PEBP4: variants seen among roughly 807,000 people sequenced by gnomAD.
PEBP4 encodes the protein phosphatidylethanolamine-binding protein 4.
In PEBP4, 22 loss-of-function variants were observed where a neutral mutation model predicts 23.9. That is an observed-to-expected ratio of 0.92 (90% CI 0.66 to 1.31). The LOEUF (loss-of-function observed/expected upper bound fraction) is 1.31, where lower values mean the gene tolerates loss of function less well. Ranked by LOEUF, PEBP4 falls within the 40% of genes most tolerant of loss-of-function variation. The pLI, the probability that PEBP4 is intolerant of heterozygous loss-of-function variation, is 0.00. For synonymous variants in PEBP4, 112 were observed against 99.3 expected, an observed-to-expected ratio of 1.13 and a Z score of -0.76; for missense variants, 324 against 281.7, an observed-to-expected ratio of 1.15 and a Z score of -1.07.
chr8:22,922,639 T>G (rs1170277790), intron 2 of PEBP4, among the ~76,000 whole-genome samples: 1 of 150,992 alleles, frequency 6.6e-6, no homozygotes, highest in African/African-American at 2.4e-5. Flanking sequence ...CTTGGGAGGA[T>G]CACTTGAGCC....
chr8:22,895,365 CA>C (rs1355798953), intron 3 of PEBP4: 1 of 152,200 alleles, frequency 6.6e-6, no homozygotes, highest in Non-Finnish European at 1.5e-5. Context: ...GTGTTCCCCA[CA>C]TACCCTCCTT....
intron 4 of PEBP4, among the ~76,000 whole-genome samples, chr8:22,805,878 CTGAATGAATGAA>C (rs59038661): frequency 4.6e-5 from 7 of 151,226 alleles, no homozygotes; most frequent in Admixed American, 4.6e-4. Flanking sequence ...TAAGCACATG[CTGAATGAATGAA>C]TGAATGAATG....
At chr8:22,842,220 T>C (rs917037881) in intron 3 of PEBP4, among the ~76,000 whole-genome samples, 6 of 152,304 alleles carry the variant, frequency 3.9e-5, no homozygotes, top group African/African-American at 1.4e-4. Flanking sequence ...AAAATACAAA[T>C]TGCTCTTTAA....
chr8:22,750,719 C>T (rs1248883125), intron 4 of PEBP4, among the ~76,000 whole-genome samples: 2 of 152,098 alleles, frequency 1.3e-5, no homozygotes, highest in Non-Finnish European at 2.9e-5. Context: ...ACTTCCCCAT[C>T]CCTAGGGTCA....
At chr8:22,776,071 T>C (rs1805808532) in intron 4 of PEBP4, among the ~76,000 whole-genome samples, 2 of 152,218 alleles carry the variant, frequency 1.3e-5, no homozygotes, top group South Asian at 4.1e-4. Flanking sequence ...TCCAGGGCCC[T>C]GGGGACCACT....
chr8:22,844,438 C>T (rs1807386577), intron 3 of PEBP4, among the ~76,000 whole-genome samples: 2 of 152,062 alleles, frequency 1.3e-5, no homozygotes, highest in Admixed American at 1.3e-4. Context: ...GGGCTTTCTC[C>T]ATGTTGGTCA....
At position 22,934,053 on chromosome 8, in the gene PEBP4, C is replaced by T. The variant is rs1408257600; in HGVS notation, c.145-6333G>A. 2.0e-5 allele frequency among the ~76,000 whole-genome samples: 3 copies of T among 152,184 alleles called. No homozygotes were observed. In the East Asian group the frequency reaches 5.8e-4, roughly 29 times the overall value. Reference sequence around the variant, plus strand: ...GAGGTGCCAGGCTCTTTTTAACAACCAGTTCTCATGGAACTAATAAAGTGA... The same window carrying T: ...GAGGTGCCAGGCTCTTTTTAACAACTAGTTCTCATGGAACTAATAAAGTGA... On this transcript the variant is annotated intron_variant, in intron 1 of 1. Transcript: ENST00000522278.
intron 4 of PEBP4, among the ~76,000 whole-genome samples, chr8:22,770,256 C>T (rs1336809483): frequency 6.6e-6 from 1 of 152,218 alleles, no homozygotes; most frequent in Non-Finnish European, 1.5e-5. Context: ...AAGGAGCAGT[C>T]AACAGCTGTG....
chr8:22,861,682 G>A (rs1361172266), intron 3 of PEBP4, among the ~76,000 whole-genome samples: 1 of 152,162 alleles, frequency 6.6e-6, no homozygotes, highest in Non-Finnish European at 1.5e-5. Context: ...TTTGGCTCTC[G>A]TTCTGAGTCT....
At chr8:22,891,306 G>A (rs1242044712) in intron 3 of PEBP4, among the ~76,000 whole-genome samples, 3 of 152,230 alleles carry the variant, frequency 2.0e-5, no homozygotes, top group Non-Finnish European at 2.9e-5. Flanking sequence ...TCACACATAG[G>A]AAGATGCCAG....
chr8:22,790,187 T>C (rs1256587182), intron 4 of PEBP4, among the ~76,000 whole-genome samples: 1 of 152,238 alleles, frequency 6.6e-6, no homozygotes, highest in Non-Finnish European at 1.5e-5. Context: ...CATGGGCTGT[T>C]TGATGATTCT....
At position 22,829,667 on chromosome 8, in the gene PEBP4, A is replaced by C. The variant is rs1335380101; in HGVS notation, c.259-11932T>G. ...TTTGGATCCTCTCCCCATCATCAGC[A>C]ATACCTTCTCTCTCTTGAATATTCC... On this transcript the variant is annotated intron_variant, in intron 3 of 6. Coordinates refer to ENST00000256404, the MANE Select transcript of PEBP4 (RefSeq NM_144962.3). Among the ~76,000 whole-genome samples, 3 of 152,022 alleles carry C rather than the reference A, an allele frequency of 2.0e-5. No homozygotes were observed. The East Asian group carries it at 5.8e-4, about 29-fold the overall frequency.
chr8:22,846,088 T>C (rs1053261597), intron 3 of PEBP4, among the ~76,000 whole-genome samples: 3 of 152,244 alleles, frequency 2.0e-5, no homozygotes, highest in Admixed American at 1.3e-4. Context: ...CCTCCATCTT[T>C]GGGCTGTTTC....
At chr8:22,787,007 G>C (rs557836315) in intron 4 of PEBP4, among the ~76,000 whole-genome samples, 2 of 151,962 alleles carry the variant, frequency 1.3e-5, no homozygotes, top group South Asian at 4.2e-4. Context: ...TTTTTTTGTA[G>C]AGACAGGGTC....
chr8:22,779,830 A>G (rs572133161), intron 4 of PEBP4, among the ~76,000 whole-genome samples: 1 of 152,262 alleles, frequency 6.6e-6, no homozygotes, highest in Non-Finnish European at 1.5e-5. Context: ...GAAACAGGGC[A>G]GAAACCATCA....
chr8:22,721,476 C>G (rs1278221739), intron 6 of PEBP4, among the ~76,000 whole-genome samples: 3 of 152,138 alleles, frequency 2.0e-5, no homozygotes, highest in African/African-American at 7.2e-5. Flanking sequence ...ATAGTCATGA[C>G]AGGCTCTACT....
intron 2 of PEBP4, chr8:22,925,177 A>G (rs1809298812): frequency 1.0e-6 from 1 of 985,292 alleles, no homozygotes; most frequent in Non-Finnish European, 1.2e-6. Context: ...GACAATAAAG[A>G]CAAAGCTCCT....
chr8:22,716,346 T>C (rs963749696), intron 6 of PEBP4, among the ~76,000 whole-genome samples: 8 of 152,128 alleles, frequency 5.3e-5, no homozygotes, highest in Admixed American at 2.0e-4. Context: ...TGATGAGAGA[T>C]GTTAGATTTC....
At chr8:22,828,177 T>A (rs919601875) in intron 3 of PEBP4, among the ~76,000 whole-genome samples, 2 of 152,090 alleles carry the variant, frequency 1.3e-5, no homozygotes, top group African/African-American at 2.4e-5. Context: ...TGGCAGCAAA[T>A]ATTTCCATAG....
Sources: gnomAD v4.1 joint callset for allele counts (sites outside exome capture counted in the v4.1 genomes callset) on GRCh38, gnomAD v4.1.1 for gene constraint, MANE v1.5 for transcripts, NCBI Gene and HGNC (gene_info 2026-07-23, HGNC 2026-07-21) for gene names.